The following GLS variants were observed in gnomAD, a reference collection of about 807,000 sequenced individuals.
The protein encoded by GLS is glutaminase kidney isoform, mitochondrial.
Under a neutral mutation model 86.7 loss-of-function variants are expected in GLS, and 36 were observed. The observed-to-expected ratio is 0.42, with a 90% CI of 0.32 to 0.55. The LOEUF is 0.55. Ranked by LOEUF, GLS falls within the 20% of genes least tolerant of loss-of-function variation. GLS has a pLI of 0.17. For synonymous variants in GLS, 317 were observed against 305.9 expected (o/e 1.04, Z -0.38); for missense variants, 528 against 833.4 (o/e 0.63, Z 4.51).
rs114299499 is a variant in GLS at position 190,917,866 on chromosome 2, A to G, written c.1039-3158A>G. The stretch of plus-strand genomic sequence containing the variant: ...CACTTTGGGAGGTTGAGGTAAGAGG[A>G]TTGCTTGAGCCCAGGAGTTCAAACC... On this transcript the variant is annotated intron_variant, in intron 7 of 17. Transcript: ENST00000320717. Among the ~76,000 whole-genome samples the G allele has an allele frequency of 2.2e-3, 328 of 151,646 alleles. 1 individual carries two copies. Among genetic ancestry groups the G allele is most frequent in the African/African-American group, 7.7e-3 (317 of 41,326 alleles).
intron 1 of GLS, among the ~76,000 whole-genome samples, chr2:190,887,046 A>G (rs538830438): frequency 6.6e-6 from 1 of 152,216 alleles, no homozygotes; most frequent in Admixed American, 6.5e-5. Context: ...AGGGAGCTCA[A>G]TCATGTTAAA....
chr2:190,898,772 C>T (rs999665625), intron 3 of GLS, among the ~76,000 whole-genome samples: 13 of 152,138 alleles, frequency 8.5e-5, no homozygotes, highest in African/African-American at 2.9e-4. Context: ...GCTGGGATTA[C>T]AGGCATGCAC....
At chr2:190,948,512 A>G (rs963678251) in intron 14 of GLS, among the ~76,000 whole-genome samples, 7 of 152,230 alleles carry the variant, frequency 4.6e-5, no homozygotes, top group African/African-American at 9.6e-5. Flanking sequence ...TCAAACGAGC[A>G]TGGTCTAAAT....
chr2:190,907,338 A>G (rs1216082872), intron 6 of GLS, among the ~76,000 whole-genome samples: 3 of 150,008 alleles, frequency 2.0e-5, no homozygotes, highest in African/African-American at 4.9e-5. Context: ...GCTCACCGCA[A>G]CCTCCGCCTC....
At chr2:190,907,638 A>T (rs1053708192) in intron 6 of GLS, among the ~76,000 whole-genome samples, 10 of 152,180 alleles carry the variant, frequency 6.6e-5, no homozygotes, top group African/African-American at 2.4e-4. Context: ...AAGTGAGCAA[A>T]CAAGTTACTT....
chr2:190,887,594 CAT>C (rs1688429646), intron 1 of GLS, among the ~76,000 whole-genome samples: 1 of 152,022 alleles, frequency 6.6e-6, no homozygotes, highest in South Asian at 2.1e-4. Flanking sequence ...TTTTGAGTGA[CAT>C]AGACCCGTCC....
rs944284707 is a variant in GLS at position 190,880,917 on chromosome 2, A to AGCACCC, written c.-164_-159dup. ...CAGCAGCAGCAGCAGCAGCAGCAGC[A>AGCACCC]GCACCCGCATCCGCTGCGGGAGTCC... On this transcript the variant is annotated 5_prime_UTR_variant, in exon 1 of 18. Transcript: ENST00000320717. 5.7e-6 allele frequency: 5 copies of AGCACCC among 883,216 alleles called. No homozygotes were observed. Among genetic ancestry groups the AGCACCC allele is most frequent in the African/African-American group, 3.8e-5 (2 of 53,138 alleles). The allele number at this position is 883,216 out of a possible 1,614,324, so 54.7% of individuals were successfully genotyped here. A position where few individuals can be genotyped will look rare whatever the true frequency, so the allele number is the denominator to read the frequency against.
chr2:190,880,909 G>GCAGCAGCAC lies in GLS; in HGVS notation c.-168_-167insCCAGCAGCA, dbSNP rs1553572197. The GCAGCAGCAC allele has an allele frequency of 2.1e-6, 2 of 938,564 alleles. No homozygotes were observed. The highest frequency in any genetic ancestry group is 1.4e-5 in the South Asian group (1 of 70,956). 58.1% of individuals were successfully genotyped at this position (938,564 alleles called of 1,614,324 possible). ...AGCAGCAGCAGCAGCAGCAGCAGCA[G>GCAGCAGCAC]CAGCAGCAGCACCCGCATCCGCTGC... On this transcript the variant is annotated 5_prime_UTR_variant, in exon 1 of 18. Coordinates refer to ENST00000320717, the MANE Select transcript of GLS (RefSeq NM_014905.5).
chr2:190,921,283 G>A lies in GLS; in HGVS notation c.1130+80G>A. 1 of 930,188 alleles carries A rather than the reference G, an allele frequency of 1.1e-6. No homozygotes were observed. The highest frequency in any genetic ancestry group is 1.4e-5 in the South Asian group (1 of 71,900). The allele number at this position is 930,188 out of a possible 1,614,324, so 57.6% of individuals were successfully genotyped here. ...TTGATCCACTCTCTTTTCATTGGAG[G>A]GAAATGAATGATTTCTAAATTACCT... On this transcript the variant is annotated intron_variant, in intron 9 of 17. Coordinates refer to ENST00000320717, the MANE Select transcript of GLS (RefSeq NM_014905.5). The surrounding 1 kb of genome is among the most constrained non-coding windows in gnomAD (Gnocchi z 4.2).
chr2:190,950,801 G>A (rs1690700322), intron 14 of GLS, among the ~76,000 whole-genome samples: 1 of 152,220 alleles, frequency 6.6e-6, no homozygotes, highest in South Asian at 2.1e-4. Flanking sequence ...GAATTGTAGT[G>A]TCATCCCCAA....
intron 1 of GLS, among the ~76,000 whole-genome samples, chr2:190,885,627 A>G (rs748270890): frequency 1.3e-5 from 2 of 152,226 alleles, no homozygotes; most frequent in Non-Finnish European, 2.9e-5. Context: ...ACTGAATGAC[A>G]AAACCTCTGT....
chr2:190,914,382 A>G lies in GLS; in HGVS notation c.1038+4061A>G, dbSNP rs1689455273. Among the ~76,000 whole-genome samples, 1 of 151,878 alleles carries G rather than the reference A, an allele frequency of 6.6e-6. No individual in the cohort carries two copies. The highest frequency in any genetic ancestry group is 6.6e-5 in the Admixed American group (1 of 15,226). On this transcript the variant is annotated intron_variant, in intron 7 of 17. Coordinates refer to ENST00000320717, the MANE Select transcript of GLS (RefSeq NM_014905.5). This position sits in a 1 kb window ranked among gnomAD's most constrained non-coding sequence, Gnocchi z 4.4. Reference sequence around the variant, plus strand: ...CTTGGACTTGCAACATTCAGAAGACAGGATTATATTGGTTTATTTACTTCT... The same window carrying G: ...CTTGGACTTGCAACATTCAGAAGACGGGATTATATTGGTTTATTTACTTCT...
At chr2:190,889,671 A>G (rs764099854) in intron 1 of GLS, among the ~76,000 whole-genome samples, 15 of 152,156 alleles carry the variant, frequency 9.9e-5, no homozygotes, top group Non-Finnish European at 1.6e-4. Context: ...TGATCTCCCC[A>G]GATCCTAGTC....
chr2:190,929,553 T>C (rs1479276011), intron 12 of GLS, among the ~76,000 whole-genome samples: 1 of 151,652 alleles, frequency 6.6e-6, no homozygotes, highest in Non-Finnish European at 1.5e-5. Context: ...CACTGCAACC[T>C]CTGCCTCCCA....
In GLS at chr2:190,895,680, A is replaced by G; in HGVS notation, c.560A>G (p.Gln187Arg). The G allele has an allele frequency of 1.9e-6, 3 of 1,605,744 alleles. No homozygotes were observed. Among genetic ancestry groups the G allele is most frequent in the African/African-American group, 2.7e-5 (2 of 74,904 alleles). ...ECMDMLRLTL[Q>R]TTSDGVMLDK... is the part of the protein sequence containing the mutation. The stretch of plus-strand genomic sequence containing the variant: ...ATGGATATGTTAAGATTAACTCTTC[A>G]AACAACATCAGATGGTGTCATGCTA... Residue 187 changes from glutamine to arginine, a missense_variant, in exon 3 of 18, where the codon CAA becomes CGA. By Grantham distance (43) the Gln-to-Arg change is conservative (BLOSUM62 1). Around this residue, in one of 4 missense-constraint regions of GLS, gnomAD observed 111 missense variants for 179.5 expected, o/e 0.62. Transcript: ENST00000320717. This position sits in a 1 kb window ranked among gnomAD's most constrained non-coding sequence, Gnocchi z 4.2.
chr2:190,902,875 CA>C (rs1688995331), intron 5 of GLS, among the ~76,000 whole-genome samples: 1 of 151,794 alleles, frequency 6.6e-6, no homozygotes. Flanking sequence ...TCTGTTTTAT[CA>C]AAATAGAACT....
intron 5 of GLS, among the ~76,000 whole-genome samples, chr2:190,904,751 T>C (rs370771910): frequency 2.0e-5 from 3 of 152,156 alleles, no homozygotes; most frequent in South Asian, 4.1e-4. Context: ...TATATGCAAA[T>C]GCTATATCAT....
At chr2:190,883,209 C>T (rs1016723051) in intron 1 of GLS, among the ~76,000 whole-genome samples, 2 of 152,196 alleles carry the variant, frequency 1.3e-5, no homozygotes, top group African/African-American at 4.8e-5. Context: ...GCAAGGGCCT[C>T]AAGGTTGTGA....
In GLS at chr2:190,881,104, C is replaced by T. The variant is rs1408086112; in HGVS notation, c.20C>T (p.Ser7Leu). Residue 7 changes from serine (S) to leucine (L), a missense_variant, in exon 1 of 18, where the codon TCG becomes TTG. Physicochemically the swap from Ser to Leu is moderately radical, Grantham distance 145. Coordinates refer to ENST00000320717, the MANE Select transcript of GLS (RefSeq NM_014905.5). MMRLRG[S>L]GMLRDLLLRS... ...GGCGGCATGATGCGGCTGCGAGGCT[C>T]GGGGATGCTGCGGGACCTGCTCCTG... 2.6e-6 allele frequency: 4 copies of T among 1,561,886 alleles called. No individual in the cohort carries two copies. The highest frequency in any genetic ancestry group is 8.6e-7 in the Non-Finnish European group (1 of 1,161,796).
Sources: allele counts gnomAD v4.1 joint callset (sites outside exome capture counted in the v4.1 genomes callset), GRCh38; gene constraint gnomAD v4.1.1; regional missense constraint gnomAD v4.1.1; non-coding constraint Gnocchi (gnomAD v3.1); transcripts MANE v1.5; gene names NCBI Gene and HGNC (gene_info 2026-07-23, HGNC 2026-07-21).